GALNT17: variants seen among roughly 807,000 people sequenced by gnomAD.
The protein encoded by GALNT17 is polypeptide N-acetylgalactosaminyltransferase 17, also known as UDP-GalNAc:polypeptide N-acetylgalactosaminyltransferase-like 3.
A neutral mutation model predicts 63.7 loss-of-function variants in GALNT17; 29 were observed. That is an observed-to-expected ratio of 0.46 (90% CI 0.34 to 0.62). The LOEUF is 0.62. Among genes scored for constraint, GALNT17 ranks in the 20% least tolerant of loss-of-function variants. GALNT17 has a pLI of 0.01. For missense variants in GALNT17, 603 were observed against 799.6 expected (o/e 0.75, Z 2.97); for synonymous variants, 305 against 318.3 (o/e 0.96, Z 0.45).
intron 1 of GALNT17, among the ~76,000 whole-genome samples, chr7:71,137,970 G>T (rs1787818832): frequency 6.6e-6 from 1 of 152,186 alleles, no homozygotes; most frequent in Non-Finnish European, 1.5e-5. Context: ...ATAAGCAGTT[G>T]ATTAACACTT....
intron 3 of GALNT17, among the ~76,000 whole-genome samples, chr7:71,403,160 T>G (rs1793269519): frequency 6.6e-6 from 1 of 152,220 alleles, no homozygotes; most frequent in Non-Finnish European, 1.5e-5. Context: ...CTTCAGCCAC[T>G]AACTGGCTTT....
intron 5 of GALNT17, among the ~76,000 whole-genome samples, chr7:71,454,842 A>G (rs1055858209): frequency 6.6e-6 from 1 of 152,094 alleles, no homozygotes; most frequent in African/African-American, 2.4e-5. Context: ...CCTCCGTTGA[A>G]CTATTCCATG....
At chr7:71,274,723 T>C (rs6953581) in intron 1 of GALNT17, among the ~76,000 whole-genome samples, 9,065 of 152,262 alleles carry the variant, frequency 0.06, 929 homozygotes, top group African/African-American at 0.21. Flanking sequence ...TGACCAGTAG[T>C]ACCTACAACT....
At chr7:71,220,108 G>A (rs1003269187) in intron 1 of GALNT17, among the ~76,000 whole-genome samples, 1 of 152,192 alleles carries the variant, frequency 6.6e-6, no homozygotes, top group Non-Finnish European at 1.5e-5. Flanking sequence ...AATACGTTCA[G>A]GGTTTATAGC....
chr7:71,548,404 G>T (rs1789022014), intron 5 of GALNT17, among the ~76,000 whole-genome samples: 1 of 152,176 alleles, frequency 6.6e-6, no homozygotes, highest in Non-Finnish European at 1.5e-5. Flanking sequence ...TGGCCTTGTG[G>T]CCATGGGCCA....
Position 71,579,134 on chromosome 7 carries a change from A to G in GALNT17, c.1080+7732A>G, listed in dbSNP as rs374707526. Among the ~76,000 whole-genome samples the G allele has an allele frequency of 9.2e-5, 14 of 152,232 alleles. No homozygotes were observed. The East Asian group carries it at 2.7e-3, about 29-fold the overall frequency. On this transcript the variant is annotated intron_variant, in intron 6 of 10. Transcript: ENST00000333538. ...TCCAAGGCCTGGTGTGAAGGAAGTC[A>G]TCCTTGGCTATGTGAATACCTTTGT...
At chr7:71,155,653 A>C (rs1448258053) in intron 1 of GALNT17, among the ~76,000 whole-genome samples, 1 of 151,636 alleles carries the variant, frequency 6.6e-6, no homozygotes, top group African/African-American at 2.4e-5. Context: ...ACCTCTGAAG[A>C]CAGCCTGTTT....
intron 6 of GALNT17, among the ~76,000 whole-genome samples, chr7:71,659,967 CTG>C (rs1790882314): frequency 6.6e-6 from 1 of 152,170 alleles, no homozygotes; most frequent in Non-Finnish European, 1.5e-5. Flanking sequence ...ATTTTTAGCC[CTG>C]TGTTGTTTTC....
intron 9 of GALNT17, among the ~76,000 whole-genome samples, chr7:71,703,503 T>G (rs1028219455): frequency 6.6e-6 from 1 of 152,188 alleles, no homozygotes; most frequent in Non-Finnish European, 1.5e-5. Context: ...ATAAGGGATA[T>G]GGCCCCATGA....
intron 1 of GALNT17, among the ~76,000 whole-genome samples, chr7:71,198,962 G>A (rs1056964684): frequency 6.6e-5 from 10 of 152,142 alleles, no homozygotes; most frequent in African/African-American, 2.4e-4. Flanking sequence ...TGATTCCTTA[G>A]GTCTTGGCGG....
At chr7:71,280,673 T>C (rs1164327022) in intron 1 of GALNT17, among the ~76,000 whole-genome samples, 4 of 152,216 alleles carry the variant, frequency 2.6e-5, no homozygotes, top group Non-Finnish European at 4.4e-5. Flanking sequence ...CAGTCTGTCC[T>C]GTAGACAGGC....
At chr7:71,361,968 A>AT (rs1249292248) in intron 2 of GALNT17, among the ~76,000 whole-genome samples, 2 of 151,678 alleles carry the variant, frequency 1.3e-5, no homozygotes, top group South Asian at 2.1e-4. Flanking sequence ...TTTTATTTTT[A>AT]TTTTTTGAGA....
intron 5 of GALNT17, among the ~76,000 whole-genome samples, chr7:71,454,849 C>T (rs1014202404): frequency 8.6e-5 from 13 of 152,022 alleles, no homozygotes; most frequent in Non-Finnish European, 1.0e-4. Flanking sequence ...TGAACTATTC[C>T]ATGGTCAGTG....
At chr7:71,205,889 A>G (rs1441625209) in intron 1 of GALNT17, among the ~76,000 whole-genome samples, 1 of 152,000 alleles carries the variant, frequency 6.6e-6, no homozygotes, top group Non-Finnish European at 1.5e-5. Context: ...ATTTCTAACA[A>G]TTTGCTATGA....
chr7:71,259,114 A>G (rs537589021), intron 1 of GALNT17, among the ~76,000 whole-genome samples: 19 of 152,232 alleles, frequency 1.2e-4, no homozygotes, highest in African/African-American at 4.3e-4. Flanking sequence ...GGTTGAGTTC[A>G]TGGGGTAGGG....
chr7:71,453,220 C>T (rs1314850989), intron 5 of GALNT17, among the ~76,000 whole-genome samples: 1 of 152,238 alleles, frequency 6.6e-6, no homozygotes, highest in South Asian at 2.1e-4. Flanking sequence ...GAACATCATT[C>T]ATAATTATAT....
intron 1 of GALNT17, among the ~76,000 whole-genome samples, chr7:71,226,524 C>A (rs965859683): frequency 6.6e-6 from 1 of 152,176 alleles, no homozygotes; most frequent in Non-Finnish European, 1.5e-5. Context: ...CCGAGTCTTG[C>A]TGTTTCACCC....
At chr7:71,366,529 T>C (rs572008240) in intron 2 of GALNT17, among the ~76,000 whole-genome samples, 132 of 152,202 alleles carry the variant, frequency 8.7e-4, no homozygotes, top group African/African-American at 2.8e-3. Flanking sequence ...TGCAGTGAGC[T>C]GAGATCGTGC....
intron 1 of GALNT17, among the ~76,000 whole-genome samples, chr7:71,237,016 C>T (rs1377450325): frequency 2.6e-5 from 4 of 152,090 alleles, no homozygotes; most frequent in Non-Finnish European, 2.9e-5. Flanking sequence ...GCCAGAACAC[C>T]CAGGGAATCT....
Sources: allele counts gnomAD v4.1 joint callset (sites outside exome capture counted in the v4.1 genomes callset), GRCh38; gene constraint gnomAD v4.1.1; transcripts MANE v1.5; gene names NCBI Gene and HGNC (gene_info 2026-07-23, HGNC 2026-07-21).